Variants in PCNX1 observed in about 807,000 individuals in gnomAD.
The protein encoded by PCNX1 is pecanex 1, also known as pecanex-like protein 1.
PCNX1 carries 78 observed loss-of-function variants against 242.2 expected under a neutral mutation model. The ratio of observed to expected loss-of-function variants is 0.32; its 90% CI spans 0.27 to 0.39. The LOEUF (loss-of-function observed/expected upper bound fraction) is 0.39. Ranked by LOEUF, PCNX1 falls within the 10% of genes least tolerant of loss-of-function variation. The pLI, the probability that PCNX1 is intolerant of heterozygous loss-of-function variation, is 1.00. For synonymous variants in PCNX1, 1,024 were observed against 1,032.9 expected, an observed-to-expected ratio of 0.99 and a Z score of 0.17; for missense variants, 2,581 against 2,856.5, an observed-to-expected ratio of 0.90 and a Z score of 2.20.
At chr14:71,004,257 C>T (rs2059590939) in intron 8 of PCNX1, among the ~76,000 whole-genome samples, 1 of 152,202 alleles carries the variant, frequency 6.6e-6, no homozygotes, top group African/African-American at 2.4e-5. Flanking sequence ...TTATTTCTCC[C>T]CTAATCTAGG....
chr14:71,003,080 C>CTTTTTTTTTTTTTTTTTTTTT lies in PCNX1; in HGVS notation c.2630-6534_2630-6533insTTTTTTTTTTTTTTTTTTTTT, dbSNP rs3083307. On this transcript the variant is annotated intron_variant, in intron 8 of 35. Transcript: ENST00000304743. ...TAAAAATCGGGTTGTTGGTTGTCTTCTTTTTTTTTTTTTTTTTTTTGAGAC... is the reference window on the plus strand; with the variant it reads ...TAAAAATCGGGTTGTTGGTTGTCTTCTTTTTTTTTTTTTTTTTTTTTTTTTTTTTTTTTTTTTTTTTGAGAC... Among the ~76,000 whole-genome samples the CTTTTTTTTTTTTTTTTTTTTT allele has an allele frequency of 7.8e-4, 74 of 95,466 alleles. 7 individuals are homozygous for CTTTTTTTTTTTTTTTTTTTTT. Among genetic ancestry groups the CTTTTTTTTTTTTTTTTTTTTT allele is most frequent in the African/African-American group, 2.8e-3 (60 of 21,292 alleles). 62.6% of individuals were successfully genotyped at this position (95,466 alleles called of 152,430 possible).
In PCNX1 at chr14:70,940,247, T is replaced by G. The variant is rs373136780; in HGVS notation, c.154-6668T>G. Reference sequence around the variant, plus strand: ...CATCAATGGTCTTTACAATTTGGCATGTTTTTGCAGTGGTTGCTACTGGTT... The same window carrying G: ...CATCAATGGTCTTTACAATTTGGCAGGTTTTTGCAGTGGTTGCTACTGGTT... On this transcript the variant is annotated intron_variant, in intron 1 of 35. Transcript: ENST00000304743. 2.4e-4 allele frequency among the ~76,000 whole-genome samples: 36 copies of G among 152,346 alleles called. No individual in the cohort carries two copies. The South Asian group carries it at 7.0e-3, about 30-fold the overall frequency.
chr14:70,980,586 G>T (rs2058809390), intron 6 of PCNX1, among the ~76,000 whole-genome samples: 1 of 151,878 alleles, frequency 6.6e-6, no homozygotes, highest in South Asian at 2.1e-4. Flanking sequence ...TTTTTTAATT[G>T]GTTTTTATCA....
chr14:71,050,783 A>G (rs903094821), intron 23 of PCNX1, 23 bp downstream of exon 23: 10 of 1,604,534 alleles, frequency 6.2e-6, no homozygotes, highest in African/African-American at 1.3e-5. Context: ...TTAAAGTTTT[A>G]TAAGAATGGA....
At chr14:70,998,401 A>G (rs555704006) in intron 8 of PCNX1, among the ~76,000 whole-genome samples, 47 of 152,264 alleles carry the variant, frequency 3.1e-4, no homozygotes, top group African/African-American at 1.1e-3. Flanking sequence ...TTCAGCAAGC[A>G]AAATTGTTAA....
In PCNX1 at chr14:71,113,600, T is replaced by A. The variant is rs556494900; in HGVS notation, c.*3665T>A. On this transcript the variant is annotated 3_prime_UTR_variant, in exon 36 of 36. Coordinates refer to ENST00000304743, the MANE Select transcript of PCNX1 (RefSeq NM_014982.3). ...TTGGTGGATTGCTGTTGTGAGTCAT[T>A]CATCCAGCACTGGGCCTTTTAAGCT... 1 of 152,772 alleles carries A rather than the reference T, an allele frequency of 6.5e-6. No individual in the cohort carries two copies. Among genetic ancestry groups the A allele is most frequent in the African/African-American group, 2.4e-5 (1 of 41,590 alleles). The allele number at this position is 152,772 out of a possible 1,614,324, so 9.5% of individuals were successfully genotyped here.
At chr14:71,094,318 T>A (rs1566797890) in intron 30 of PCNX1, among the ~76,000 whole-genome samples, 1 of 152,204 alleles carries the variant, frequency 6.6e-6, no homozygotes, top group Non-Finnish European at 1.5e-5. Flanking sequence ...AGGAAGGAAC[T>A]TTTTGAGGTG....
rs151142127 is a variant in PCNX1 at position 71,019,711 on chromosome 14, T to C, written c.3150+549T>C. Among the ~76,000 whole-genome samples, 469 of 152,264 alleles carry C rather than the reference T, an allele frequency of 3.1e-3. 5 individuals carry two copies. Among genetic ancestry groups the C allele is most frequent in the African/African-American group, 0.011 (450 of 41,556 alleles). ...CACTGCGCCTGGCCTAAAAGAAAACTGTATTTGTTAAAATAAGAACTTGCA... is the reference window on the plus strand; with the variant it reads ...CACTGCGCCTGGCCTAAAAGAAAACCGTATTTGTTAAAATAAGAACTTGCA... On this transcript the variant is annotated intron_variant, in intron 12 of 35. Coordinates refer to ENST00000304743, the MANE Select transcript of PCNX1 (RefSeq NM_014982.3).
At position 70,977,253 on chromosome 14, in the gene PCNX1, C is replaced by T. The variant is rs2058714985; in HGVS notation, c.916C>T (p.Gln306Ter). 1 of 1,614,170 alleles carries T rather than the reference C, an allele frequency of 6.2e-7. No homozygotes were observed. Among genetic ancestry groups the T allele is most frequent in the Non-Finnish European group, 8.5e-7 (1 of 1,179,992 alleles). ...TSLNDFPLYQ[Q>*]RRGLDPVSEL... is the part of the protein sequence containing the mutation. ...ACTGAATGATTTTCCCCTTTATCAG[C>T]AAAGACGTGGATTAGATCCAGTTAG... The change falls in exon 6 of 36, where the codon CAA becomes TAA. Residue 306 changes from glutamine to a stop codon, truncating the protein, a stop_gained. Coordinates refer to ENST00000304743, the MANE Select transcript of PCNX1 (RefSeq NM_014982.3). LOFTEE classifies it high-confidence loss of function.
At chr14:71,099,033 A>G (rs2062387185) in intron 30 of PCNX1, among the ~76,000 whole-genome samples, 1 of 152,072 alleles carries the variant, frequency 6.6e-6, no homozygotes, top group Admixed American at 6.5e-5. Context: ...TCATTTCTTT[A>G]CGCAAAAGTC....
chr14:71,108,271 A>G (rs1351221643), intron 33 of PCNX1, among the ~76,000 whole-genome samples: 1 of 152,186 alleles, frequency 6.6e-6, no homozygotes, highest in African/African-American at 2.4e-5. Context: ...GTTATTTTAA[A>G]ATGCTTCTGT....
intron 10 of PCNX1, chr14:71,012,416 A>G (rs374537151): frequency 6.4e-6 from 1 of 156,282 alleles, no homozygotes; most frequent in African/African-American, 2.4e-5. Flanking sequence ...TCCCTGAGAA[A>G]AATCTTAAGA....
At chr14:71,066,262 A>G (rs1595418935) in intron 26 of PCNX1, among the ~76,000 whole-genome samples, 2 of 152,128 alleles carry the variant, frequency 1.3e-5, no homozygotes. Flanking sequence ...ATGTTTTTCC[A>G]TTTGTTTATG....
chr14:71,095,731 C>T (rs1399466690), intron 30 of PCNX1, among the ~76,000 whole-genome samples: 2 of 152,108 alleles, frequency 1.3e-5, no homozygotes, highest in African/African-American at 4.8e-5. Context: ...TCACCACATA[C>T]AGAGGCACCT....
Position 70,941,130 on chromosome 14 carries a change from A to G in PCNX1, c.154-5785A>G, listed in dbSNP as rs61487005. Among the ~76,000 whole-genome samples, 1,075 of 152,212 alleles carry G rather than the reference A, an allele frequency of 7.1e-3. 10 individuals are homozygous for G. Among genetic ancestry groups the G allele is most frequent in the African/African-American group, 0.024 (1,006 of 41,510 alleles). On this transcript the variant is annotated intron_variant, in intron 1 of 35. Transcript: ENST00000304743. ...GATCTTTTGAAGCCTACTTCTGTCA[A>G]CTCGTCAAACTCATTCTCTGTCCCT...
intron 9 of PCNX1, among the ~76,000 whole-genome samples, chr14:71,010,982 A>C (rs1289826174): frequency 6.6e-6 from 1 of 152,100 alleles, no homozygotes; most frequent in South Asian, 2.1e-4. Context: ...AAACAGTAGG[A>C]GGAGGGAGGG....
In PCNX1 at chr14:70,937,022, T is replaced by G. The variant is rs566138510; in HGVS notation, c.154-9893T>G. Among the ~76,000 whole-genome samples the G allele has an allele frequency of 2.1e-5, 3 of 139,830 alleles. No individual in the cohort carries two copies. In the South Asian group the frequency reaches 7.3e-4, roughly 34 times the overall value. 91.7% of individuals were successfully genotyped at this position (139,830 alleles called of 152,430 possible). On this transcript the variant is annotated intron_variant, in intron 1 of 35. Transcript: ENST00000304743. ...AAATTTGTTTAAGTTCTTTGTAGAT[T>G]CTGGATATTAGCCCTTTGTCAGATG...
chr14:71,088,484 A>C (rs2062049049), intron 29 of PCNX1, 54 bp downstream of exon 29: 1 of 1,022,572 alleles, frequency 9.8e-7, no homozygotes, highest in East Asian at 2.4e-5. Flanking sequence ...TGTATAGCCT[A>C]AATCTAAAAT....
Position 70,995,769 on chromosome 14 carries a change from T to A in PCNX1, c.2473T>A (p.Ser825Thr). Residue 825 changes from serine to threonine, a missense_variant, in exon 8 of 36, where the codon TCC (serine) becomes ACC (threonine). Ser to Thr is a moderately conservative substitution (Grantham distance 58). Around this residue, in one of 9 missense-constraint regions of PCNX1, gnomAD observed 1,204 missense variants for 1,216.7 expected, o/e 0.99. Transcript: ENST00000304743. ...SLQDGQQGQQSTAQVKVQSRP... is the reference protein window; with the variant it reads ...SLQDGQQGQQTTAQVKVQSRP... ...TCAAGATGGTCAGCAAGGCCAGCAG[T>A]CCACAGCCCAGGTCAAAGTCCAGTC... 6.2e-7 allele frequency: 1 copy of A among 1,614,110 alleles called. No homozygotes were observed.
Sources: allele counts gnomAD v4.1 joint callset (sites outside exome capture counted in the v4.1 genomes callset), GRCh38; gene constraint gnomAD v4.1.1; regional missense constraint gnomAD v4.1.1; transcripts MANE v1.5; gene names NCBI Gene and HGNC (gene_info 2026-07-23, HGNC 2026-07-21).